The following TMF1 variants were observed in gnomAD, a reference collection of about 807,000 sequenced individuals.
The protein encoded by TMF1 is TATA element modulatory factor.
A neutral mutation model predicts 126.5 loss-of-function variants in TMF1; 71 were observed. That is an observed-to-expected ratio of 0.56 (90% CI 0.46 to 0.68). The LOEUF (loss-of-function observed/expected upper bound fraction) is 0.68. TMF1 is among the 30% of genes least tolerant of loss of function. TMF1 has a pLI of 0.00. For missense variants in TMF1, 1,259 were observed against 1,253.2 expected (o/e 1.00, Z -0.07); for synonymous variants, 461 against 430.5 (o/e 1.07, Z -0.88).
At chr3:69,036,434 A>T (rs1280877294) in intron 8 of TMF1, among the ~76,000 whole-genome samples, 1 of 152,228 alleles carries the variant, frequency 6.6e-6, no homozygotes, top group African/African-American at 2.4e-5. Context: ...AAACAGTGTG[A>T]ATAATAAACT....
chr3:69,025,948 TTTA>T (rs749939727), intron 14 of TMF1, 45 bp downstream of exon 14: 16 of 1,473,950 alleles, frequency 1.1e-5, no homozygotes, highest in Non-Finnish European at 1.5e-5. Context: ...GCATATTTCC[TTTA>T]TTATTATTCT....
chr3:69,026,207 G>T (rs934000252), intron 13 of TMF1, 110 bp from the exon 14 acceptor site: 2 of 692,396 alleles, frequency 2.9e-6, no homozygotes, highest in Non-Finnish European at 5.0e-6. Flanking sequence ...TTTTAAAAAA[G>T]CCACACTACA....
intron 5 of TMF1, chr3:69,040,499 T>C (rs2091857639): frequency 6.6e-6 from 1 of 152,168 alleles, no homozygotes; most frequent in Non-Finnish European, 1.5e-5. Flanking sequence ...AAAAGGGTAG[T>C]GTATGTATGT....
chr3:69,048,404 GAA>G lies in TMF1; in HGVS notation c.299_300del (p.Phe100SerfsTer5). Reference sequence around the variant, plus strand: ...ATGGTCTGGACATCAGTTGGCGAGAGAAAGGCACTGAAGAAATTTTCAGATTC... The same window carrying G: ...ATGGTCTGGACATCAGTTGGCGAGAGAGGCACTGAAGAAATTTTCAGATTC... ...VDESENFFSA[F>X]LSPTDVQTIQ... On this transcript the variant is annotated frameshift_variant, in exon 2 of 17. Coordinates refer to ENST00000398559, the MANE Select transcript of TMF1 (RefSeq NM_007114.3). LOFTEE classifies it high-confidence loss of function. 1 of 1,614,176 alleles carries G rather than the reference GAA, an allele frequency of 6.2e-7. No individual in the cohort carries two copies. The highest frequency in any genetic ancestry group is 8.5e-7 in the Non-Finnish European group (1 of 1,180,038).
chr3:69,043,651 T>C (rs2091879657), intron 4 of TMF1, 99 bp downstream of exon 4: 12 of 1,167,944 alleles, frequency 1.0e-5, no homozygotes, highest in Middle Eastern at 3.0e-4. Context: ...CCTTTTCACC[T>C]TACTTCTCTT....
chr3:69,039,516 CAA>C (rs751510899), intron 6 of TMF1, 33 bp downstream of exon 6: 39 of 1,594,824 alleles, frequency 2.4e-5, no homozygotes, highest in Non-Finnish European at 3.2e-5. Context: ...GAAGTAATAA[CAA>C]TATATATGTA....
intron 11 of TMF1, among the ~76,000 whole-genome samples, chr3:69,029,441 T>C (rs556925113): frequency 5.9e-4 from 60 of 101,536 alleles, no homozygotes; most frequent in Non-Finnish European, 1.0e-3. Context: ...TATTTACTTA[T>C]TTAATTTATT....
chr3:69,022,977 C>G lies in TMF1; in HGVS notation c.*200G>C. ...AAAATAAATCTTTAAAGAATAGTTTCAAAAATAAAGTTCAAATATTGCACA... is the reference window on the plus strand; with the variant it reads ...AAAATAAATCTTTAAAGAATAGTTTGAAAAATAAAGTTCAAATATTGCACA... On this transcript the variant is annotated 3_prime_UTR_variant, in exon 17 of 17. Coordinates refer to ENST00000398559, the MANE Select transcript of TMF1 (RefSeq NM_007114.3). 4.5e-6 allele frequency: 2 copies of G among 442,720 alleles called. No homozygotes were observed. The highest frequency in any genetic ancestry group is 7.8e-6 in the Non-Finnish European group (2 of 255,754). 27.4% of individuals were successfully genotyped at this position (442,720 alleles called of 1,614,324 possible). A position where few individuals can be genotyped will look rare whatever the true frequency, so the allele number is the denominator to read the frequency against.
At position 69,020,936 on chromosome 3, in the gene TMF1, C is replaced by T. The variant is rs2091725864; in HGVS notation, c.*2241G>A. The T allele has an allele frequency of 6.6e-6, 1 of 152,078 alleles. No homozygotes were observed. The highest frequency in any genetic ancestry group is 6.5e-5 in the Admixed American group (1 of 15,272). 9.4% of individuals were successfully genotyped at this position (152,078 alleles called of 1,614,324 possible). A position where few individuals can be genotyped will look rare whatever the true frequency, so the allele number is the denominator to read the frequency against. ...TCTACTAGTGGATATTTTAAAGGGA[C>T]TATTTTATAATTCCAAAACGTCTAG... On this transcript the variant is annotated 3_prime_UTR_variant, in exon 17 of 17. Coordinates refer to ENST00000398559, the MANE Select transcript of TMF1 (RefSeq NM_007114.3).
At chr3:69,035,344 AAACAAATATGTATAAGGCATAG>A in intron 8 of TMF1, 1 of 515,384 alleles carries the variant, frequency 1.9e-6, no homozygotes, top group Non-Finnish European at 3.5e-6. Flanking sequence ...AAAGAAACGC[AAACAAATATGTATAAGGCATAG>A]CCATTACCAT....
Position 69,048,206 on chromosome 3 carries a change from C to G in TMF1, c.499G>C (p.Gly167Arg). The stretch of plus-strand genomic sequence containing the variant: ...CCTTCAGTTTTAGGTGATGAAGTAC[C>G]TGCTGCCAGAGTTTCCCCTGAAACA... The part of the protein sequence containing the change: ...LCVSGETLAA[G>R]TSSPKTEGKH... Residue 167 changes from glycine (G) to arginine (R), a missense_variant, in exon 2 of 17, where the codon GGT (glycine) becomes CGT (arginine). Coordinates refer to ENST00000398559, the MANE Select transcript of TMF1 (RefSeq NM_007114.3). 6.2e-7 allele frequency: 1 copy of G among 1,614,198 alleles called. No homozygotes were observed. Among genetic ancestry groups the G allele is most frequent in the Non-Finnish European group, 8.5e-7 (1 of 1,180,032 alleles).
At position 69,047,679 on chromosome 3, in the gene TMF1, G is replaced by C; in HGVS notation, c.1026C>G (p.Ile342Met). 6.2e-7 allele frequency: 1 copy of C among 1,614,066 alleles called. No individual in the cohort carries two copies. The highest frequency in any genetic ancestry group is 8.5e-7 in the Non-Finnish European group (1 of 1,180,002). Residue 342 changes from isoleucine (I) to methionine (M), a missense_variant, in exon 2 of 17, where the codon ATC (isoleucine) becomes ATG (methionine). Transcript: ENST00000398559. ...TGCCTGACAATTCATCATCTGAATTGATTTCACTTACACTCCGGCTATCTA... is the reference window on the plus strand; with the variant it reads ...TGCCTGACAATTCATCATCTGAATTCATTTCACTTACACTCCGGCTATCTA... Reference protein sequence around the residue: ...QSLDSRSVSEINSDDELSGKG... With the variant: ...QSLDSRSVSEMNSDDELSGKG...
In TMF1 at chr3:69,033,655, G is replaced by A. The variant is rs1418540489; in HGVS notation, c.2294C>T (p.Ser765Leu). The A allele has an allele frequency of 6.2e-7, 1 of 1,613,720 alleles. No homozygotes were observed. The highest frequency in any genetic ancestry group is 1.3e-5 in the African/African-American group (1 of 74,888). Residue 765 changes from serine (S) to leucine (L), a missense_variant, in exon 10 of 17, where the codon TCA becomes TTA. Physicochemically the swap from Ser to Leu is moderately radical, Grantham distance 145. Transcript: ENST00000398559. ...NRNQELSQSV[S>L]STTRPLLRQI... ...TCGAAGCAATGGTCTTGTTGTTGAT[G>A]AAACACTTTGACTCAGTTCCTGGTT...
At chr3:69,044,705 A>G (rs1382759487) in intron 2 of TMF1, 110 bp from the exon 3 acceptor site, 2 of 639,330 alleles carry the variant, frequency 3.1e-6, no homozygotes, top group Admixed American at 6.5e-5. Flanking sequence ...CATAAAAACA[A>G]TCAAGAACAG....
chr3:69,042,571 T>C (rs1312849127), intron 5 of TMF1: 3 of 615,116 alleles, frequency 4.9e-6, no homozygotes, highest in East Asian at 7.0e-5. Flanking sequence ...TTTCTGTCTA[T>C]TTTACAGGGA....
chr3:69,021,830 A>C lies in TMF1; in HGVS notation c.*1347T>G, dbSNP rs1215600518. 1 of 152,052 alleles carries C rather than the reference A, an allele frequency of 6.6e-6. No individual in the cohort carries two copies. The highest frequency in any genetic ancestry group is 2.4e-5 in the African/African-American group (1 of 41,372). 9.4% of individuals were successfully genotyped at this position (152,052 alleles called of 1,614,324 possible). A position where few individuals can be genotyped will look rare whatever the true frequency, so the allele number is the denominator to read the frequency against. On this transcript the variant is annotated 3_prime_UTR_variant, in exon 17 of 17. Coordinates refer to ENST00000398559, the MANE Select transcript of TMF1 (RefSeq NM_007114.3). Reference sequence around the variant, plus strand: ...CGAGTAGCTAGGATTACAGGCGCACACCACCACGCCAGGCTAATTTTTGTA... The same window carrying C: ...CGAGTAGCTAGGATTACAGGCGCACCCCACCACGCCAGGCTAATTTTTGTA...
At chr3:69,050,168 G>C (rs546011219) in intron 1 of TMF1, among the ~76,000 whole-genome samples, 1 of 151,318 alleles carries the variant, frequency 6.6e-6, no homozygotes, top group Non-Finnish European at 1.5e-5. Context: ...GTTGAGGCAC[G>C]AGAATCACTT....
chr3:69,048,003 A>C lies in TMF1; in HGVS notation c.702T>G (p.His234Gln). Residue 234 changes from histidine (H) to glutamine (Q), a missense_variant, in exon 2 of 17, where the codon CAT (histidine) becomes CAG (glutamine). Transcript: ENST00000398559. Reference sequence around the variant, plus strand: ...AAGGTGTATTGCTCTGCCTGTCTTCATGTTTTTGTTCCTTAGGTTCCAAAG... The same window carrying C: ...AAGGTGTATTGCTCTGCCTGTCTTCCTGTTTTTGTTCCTTAGGTTCCAAAG... The part of the protein sequence containing the change: ...DIALEPKEQK[H>Q]EDRQSNTPSP... The C allele has an allele frequency of 6.2e-7, 1 of 1,613,894 alleles. No individual in the cohort carries two copies. Among genetic ancestry groups the C allele is most frequent in the Non-Finnish European group, 8.5e-7 (1 of 1,180,026 alleles).
intron 13 of TMF1, among the ~76,000 whole-genome samples, chr3:69,026,897 T>C (rs1378373393): frequency 1.3e-5 from 2 of 152,212 alleles, no homozygotes; most frequent in African/African-American, 2.4e-5. Flanking sequence ...ATAAATTCAA[T>C]AGGTAATTTA....
Sources: gnomAD v4.1 joint callset for allele counts (sites outside exome capture counted in the v4.1 genomes callset) on GRCh38, gnomAD v4.1.1 for gene constraint, MANE v1.5 for transcripts, NCBI Gene and HGNC (gene_info 2026-07-23, HGNC 2026-07-21) for gene names.